UVSSA: variants seen among roughly 807,000 people sequenced by gnomAD.
UVSSA encodes UV-stimulated scaffold protein A.
UVSSA carries 72 observed loss-of-function variants against 73.9 expected under a neutral mutation model. The observed-to-expected ratio is 0.97, with a 90% confidence interval of 0.81 to 1.19. The LOEUF (loss-of-function observed/expected upper bound fraction) is 1.19. Ranked by LOEUF, UVSSA falls within the 50% of genes most tolerant of loss-of-function variation. The pLI is 0.00. For missense variants in UVSSA, 1,150 were observed against 965.0 expected (o/e 1.19, Z -2.54); for synonymous variants, 454 against 391.3 (o/e 1.16, Z -1.89).
At position 1,378,369 on chromosome 4, in the gene UVSSA, A is replaced by G. The variant is rs375510067; in HGVS notation, c.1569-1678A>G. Among the ~76,000 whole-genome samples, 59 of 152,318 alleles carry G rather than the reference A, an allele frequency of 3.9e-4. 2 individuals carry two copies. Among genetic ancestry groups the G allele is most frequent in the African/African-American group, 1.3e-3 (56 of 41,568 alleles). ...GGAGTTCGAGACCAGCCTGGCCAAC[A>G]TGACAAAACCCCATCACTACTAAAA... is the stretch of plus-strand genomic sequence containing the variant. On this transcript the variant is annotated intron_variant, in intron 10 of 13. Transcript: ENST00000389851.
chr4:1,376,105 T>G lies in UVSSA; in HGVS notation c.1505T>G (p.Val502Gly). Residue 502 changes from valine to glycine, a missense_variant, in exon 10 of 14, where the codon GTG becomes GGG. Val to Gly is a moderately radical substitution (Grantham distance 109). Transcript: ENST00000389851. ...LAAERARAPV[V>G]PYGVDLHYWG... ...GCAGAGCGGGCCCGGGCGCCTGTGG[T>G]GCCCTACGGCGTGGACCTGCACTAC... 6.2e-7 allele frequency: 1 copy of G among 1,606,532 alleles called. No homozygotes were observed. Among genetic ancestry groups the G allele is most frequent in the Non-Finnish European group, 8.5e-7 (1 of 1,177,064 alleles).
In UVSSA at chr4:1,351,805, A is replaced by G. The variant is rs1318915721; in HGVS notation, c.520A>G (p.Arg174Gly). The change falls in exon 4 of 14, where the codon AGA becomes GGA. Residue 174 changes from arginine (R) to glycine (G), a missense_variant. Coordinates refer to ENST00000389851, the MANE Select transcript of UVSSA (RefSeq NM_020894.4). ...GCACTTGGATAAAATTTATCAAGAA[A>G]GAGCCAGCCAGGCGGAGAGGGAGAT... ...QKHLDKIYQE[R>G]ASQAEREMQE... The G allele has an allele frequency of 1.9e-6, 3 of 1,613,530 alleles. No individual in the cohort carries two copies. The highest frequency in any genetic ancestry group is 2.7e-5 in the African/African-American group (2 of 74,950).
At chr4:1,376,468 G>A (rs944157300) in intron 10 of UVSSA, among the ~76,000 whole-genome samples, 9 of 152,190 alleles carry the variant, frequency 5.9e-5, no homozygotes, top group African/African-American at 1.9e-4. Flanking sequence ...CCCTAAAGGC[G>A]GCCCTGGGGC....
rs763464086 is a variant in UVSSA at position 1,395,178 on chromosome 4, C to T, written c.*9217C>T. ...CATGTGGAGTGTTCGCCTGCTCACACGTGCCGATGCGGAGTGCCCGCCTGC... is the reference window on the plus strand; with the variant it reads ...CATGTGGAGTGTTCGCCTGCTCACATGTGCCGATGCGGAGTGCCCGCCTGC... On this transcript the variant is annotated 3_prime_UTR_variant, in exon 14 of 14. Transcript: ENST00000511216. 10 of 1,421,810 alleles carry T rather than the reference C, an allele frequency of 7.0e-6. No homozygotes were observed. The highest frequency in any genetic ancestry group is 2.3e-5 in the East Asian group (1 of 43,198). 88.1% of individuals were successfully genotyped at this position (1,421,810 alleles called of 1,614,324 possible).
At chr4:1,354,208 G>A (rs531903642) in intron 5 of UVSSA, among the ~76,000 whole-genome samples, 19 of 152,336 alleles carry the variant, frequency 1.2e-4, no homozygotes, top group South Asian at 2.1e-4. Flanking sequence ...GGTGGACACC[G>A]CTGCTGCAAG....
chr4:1,346,649 C>G (rs923914304), upstream of UVSSA, among the ~76,000 whole-genome samples: 3 of 152,160 alleles, frequency 2.0e-5, no homozygotes, highest in Non-Finnish European at 4.4e-5. Context: ...GGGTTCAGGG[C>G]GCCCTGCGCG....
chr4:1,347,220 C>A lies in UVSSA; in HGVS notation c.-543C>A, dbSNP rs962120669. 6.6e-6 allele frequency: 1 copy of A among 152,306 alleles called. No homozygotes were observed. 9.4% of individuals were successfully genotyped at this position (152,306 alleles called of 1,614,324 possible). A position where few individuals can be genotyped will look rare whatever the true frequency, so the allele number is the denominator to read the frequency against. On this transcript the variant is annotated 5_prime_UTR_variant, in exon 1 of 14. Coordinates refer to ENST00000389851, the MANE Select transcript of UVSSA (RefSeq NM_020894.4). ...GAAGGGGCGGGGCGAGGCGAGCGGC[C>A]GCGTCAGCGGTAGGTGGGGCTGTGG...
chr4:1,351,930 G>T, intron 4 of UVSSA, 95 bp downstream of exon 4: 1 of 1,545,302 alleles, frequency 6.5e-7, no homozygotes, highest in South Asian at 1.2e-5. Flanking sequence ...CAGCCGCAAG[G>T]AACCCAGGTT....
intron 8 of UVSSA, among the ~76,000 whole-genome samples, chr4:1,368,366 C>T (rs55658981): frequency 6.6e-6 from 1 of 152,384 alleles, no homozygotes; most frequent in Non-Finnish European, 1.5e-5. Context: ...ACTTGTGGCT[C>T]TAAATTATCT....
Position 1,375,385 on chromosome 4 carries a change from A to G in UVSSA, c.1310A>G (p.Lys437Arg). ...TCAGGGCTGGAGGCAGCACCAGAGAAAGACACAGTTGTGCGGTGCTTGCGG... is the reference window on the plus strand; with the variant it reads ...TCAGGGCTGGAGGCAGCACCAGAGAGAGACACAGTTGTGCGGTGCTTGCGG... ...PEYGLEAAPE[K>R]DTVVRCLRTR... Residue 437 changes from lysine to arginine, a missense_variant, in exon 9 of 14, where the codon AAA (lysine) becomes AGA (arginine). By Grantham distance (26) the Lys-to-Arg change is conservative. Transcript: ENST00000389851. 1.2e-6 allele frequency: 2 copies of G among 1,613,602 alleles called. No homozygotes were observed. The highest frequency in any genetic ancestry group is 8.5e-7 in the Non-Finnish European group (1 of 1,179,988).
At chr4:1,354,874 G>T in intron 6 of UVSSA, 27 bp downstream of exon 6, 1 of 1,562,544 alleles carries the variant, frequency 6.4e-7, no homozygotes, top group South Asian at 1.1e-5. Flanking sequence ...GGACCTGTGG[G>T]TGGAGGGACG....
chr4:1,356,582 G>C (rs1173548380), intron 7 of UVSSA: 3 of 152,322 alleles, frequency 2.0e-5, no homozygotes, highest in Non-Finnish European at 4.4e-5. Context: ...AAGGATGCTG[G>C]TCTAGGCTTG....
intron 8 of UVSSA, among the ~76,000 whole-genome samples, chr4:1,367,821 G>C (rs1717529903): frequency 6.6e-6 from 1 of 151,866 alleles, no homozygotes; most frequent in Non-Finnish European, 1.5e-5. Context: ...CGCAGCCCCA[G>C]CTGTGCCCTC....
rs1292401816 is a variant in UVSSA at position 1,347,529 on chromosome 4, C to T, written c.-234C>T. 2 of 152,530 alleles carry T rather than the reference C, an allele frequency of 1.3e-5. No homozygotes were observed. Among genetic ancestry groups the T allele is most frequent in the African/African-American group, 4.8e-5 (2 of 41,474 alleles). 9.4% of individuals were successfully genotyped at this position (152,530 alleles called of 1,614,324 possible). A position where few individuals can be genotyped will look rare whatever the true frequency, so the allele number is the denominator to read the frequency against. On this transcript the variant is annotated 5_prime_UTR_variant, in exon 1 of 14. Transcript: ENST00000389851. The stretch of plus-strand genomic sequence containing the variant: ...GTAGGGCGCAGCTTCCCAGCCTCCG[C>T]CCCGGCCTCGCCTGGCGCTTCCTTC...
chr4:1,351,741 G>A lies in UVSSA; in HGVS notation c.456G>A (p.Arg152=), dbSNP rs1176200937. 3 of 1,613,450 alleles carry A rather than the reference G, an allele frequency of 1.9e-6. No homozygotes were observed. The highest frequency in any genetic ancestry group is 2.5e-6 in the Non-Finnish European group (3 of 1,179,794). ...TGGATTTTCAAGACACGAATGCTCG[G>A]AGTCTGGCAGAAAGGAAGAGAGAAG... ...KKVDFQDTNA[R]SLAERKREEE... is the part of the protein sequence containing the mutation. The change falls in exon 4 of 14, where the codon CGG becomes CGA. Residue 152 remains arginine (R), a synonymous_variant. Coordinates refer to ENST00000389851, the MANE Select transcript of UVSSA (RefSeq NM_020894.4).
chr4:1,364,876 G>T (rs565208146), intron 7 of UVSSA, among the ~76,000 whole-genome samples: 4 of 152,202 alleles, frequency 2.6e-5, no homozygotes, highest in Non-Finnish European at 4.4e-5. Flanking sequence ...TGAAGGTGAG[G>T]AATGACCGCC....
At chr4:1,391,557 A>G (rs1043729726), downstream of UVSSA, 1 of 151,418 alleles carries the variant, frequency 6.6e-6, no homozygotes, top group South Asian at 2.1e-4. Flanking sequence ...GTCTTTAGTG[A>G]AAAAAAAATG....
At chr4:1,378,775 G>A (rs945180992) in intron 10 of UVSSA, among the ~76,000 whole-genome samples, 1 of 152,200 alleles carries the variant, frequency 6.6e-6, no homozygotes. Flanking sequence ...TTGGCCGGGC[G>A]GTCAGGCACC....
chr4:1,375,165 T>G, intron 8 of UVSSA, 199 bp from the exon 9 acceptor site: 3 of 778,778 alleles, frequency 3.9e-6, no homozygotes, highest in Non-Finnish European at 4.1e-6. Flanking sequence ...ACGCACGCCA[T>G]GTTCTGGCAG....
Sources: allele counts gnomAD v4.1 joint callset (sites outside exome capture counted in the v4.1 genomes callset), GRCh38; gene constraint gnomAD v4.1.1; transcripts MANE v1.5; gene names NCBI Gene and HGNC (gene_info 2026-07-23, HGNC 2026-07-21).